Variants in LRMDA observed in about 807,000 individuals in gnomAD.
The protein encoded by LRMDA is leucine rich melanocyte differentiation associated, also known as leucine-rich melanocyte differentiation-associated protein.
Under a neutral mutation model 29.8 loss-of-function variants are expected in LRMDA, and 18 were observed. The observed-to-expected ratio is 0.60, with a 90% CI of 0.42 to 0.90. The LOEUF is 0.90. LRMDA is among the 40% of genes least tolerant of loss of function. LRMDA has a pLI of 0.00. For missense variants in LRMDA, 273 were observed against 273.9 expected (o/e 1.00, Z 0.02); for synonymous variants, 125 against 109.4 (o/e 1.14, Z -0.89).
chr10:76,485,755 A>G (rs1041353494), intron 6 of LRMDA, among the ~76,000 whole-genome samples: 1 of 151,882 alleles, frequency 6.6e-6, no homozygotes, highest in African/African-American at 2.4e-5. Context: ...CTATTGAAGG[A>G]TAACTCCACT....
intron 2 of LRMDA, among the ~76,000 whole-genome samples, chr10:75,554,153 T>G (rs139093847): frequency 6.6e-6 from 1 of 152,172 alleles, no homozygotes; most frequent in Middle Eastern, 3.2e-3. Context: ...AGAAAAGTTA[T>G]GATTTTGTAG....
At chr10:75,993,902 G>A (rs533956528) in intron 2 of LRMDA, among the ~76,000 whole-genome samples, 1 of 152,214 alleles carries the variant, frequency 6.6e-6, no homozygotes, top group East Asian at 1.9e-4. Flanking sequence ...TCCTCTTCTT[G>A]GAGATTGTTT....
Position 76,007,909 on chromosome 10 carries a change from T to G in LRMDA, c.132-28099T>G, listed in dbSNP as rs183513260. ...ATCTGAATCCAGTAATTTATTCGAT[T>G]TTGGGTCATTAACCCTTGTTCTGCT... is the stretch of plus-strand genomic sequence containing the variant. On this transcript the variant is annotated intron_variant, in intron 2 of 6. Coordinates refer to ENST00000611255, the MANE Select transcript of LRMDA (RefSeq NM_001305581.2). Among the ~76,000 whole-genome samples the G allele has an allele frequency of 8.5e-4, 130 of 152,326 alleles. 1 individual carries two copies. Among genetic ancestry groups the G allele is most frequent in the African/African-American group, 3.0e-3 (123 of 41,576 alleles).
intron 2 of LRMDA, among the ~76,000 whole-genome samples, chr10:75,956,674 C>G (rs1484600069): frequency 6.6e-6 from 1 of 152,178 alleles, no homozygotes; most frequent in Non-Finnish European, 1.5e-5. Context: ...CGTTCTTTAA[C>G]TGGTCATTCT....
intron 5 of LRMDA, among the ~76,000 whole-genome samples, chr10:76,251,549 G>C (rs1161592617): frequency 6.6e-6 from 1 of 151,342 alleles, no homozygotes; most frequent in Non-Finnish European, 1.5e-5. Flanking sequence ...ACCGCGCCCG[G>C]CCCTCCCGTC....
chr10:75,758,568 G>C (rs1409596110), intron 2 of LRMDA, among the ~76,000 whole-genome samples: 1 of 152,192 alleles, frequency 6.6e-6, no homozygotes, highest in Non-Finnish European at 1.5e-5. Context: ...GCCAAATGGA[G>C]GCTTCCTAAG....
At chr10:75,584,657 A>G (rs1230438985) in intron 2 of LRMDA, among the ~76,000 whole-genome samples, 1 of 152,162 alleles carries the variant, frequency 6.6e-6, no homozygotes, top group Admixed American at 6.5e-5. Flanking sequence ...AGGATTTGGC[A>G]TGGGGTGGTG....
intron 2 of LRMDA, among the ~76,000 whole-genome samples, chr10:75,468,076 G>A (rs968562017): frequency 6.6e-6 from 1 of 152,030 alleles, no homozygotes; most frequent in Admixed American, 6.6e-5. Flanking sequence ...AGGATTATCT[G>A]CATGTTTCCA....
intron 2 of LRMDA, among the ~76,000 whole-genome samples, chr10:75,972,477 T>G (rs2132440148): frequency 6.6e-6 from 1 of 152,294 alleles, no homozygotes; most frequent in South Asian, 2.1e-4. Context: ...TCTGAAGCGT[T>G]TTTGAAAAAC....
chr10:76,387,478 G>A (rs1290560890), intron 6 of LRMDA, among the ~76,000 whole-genome samples: 3 of 151,896 alleles, frequency 2.0e-5, no homozygotes, highest in Admixed American at 6.6e-5. Context: ...GTGCACGTGC[G>A]TGTAATCCCA....
At chr10:76,198,363 A>G (rs1328147870) in intron 5 of LRMDA, among the ~76,000 whole-genome samples, 1 of 152,244 alleles carries the variant, frequency 6.6e-6, no homozygotes, top group Non-Finnish European at 1.5e-5. Flanking sequence ...CCGCACTTTG[A>G]GGAGGAAGAG....
intron 2 of LRMDA, among the ~76,000 whole-genome samples, chr10:75,578,663 G>A (rs913688760): frequency 1.3e-5 from 2 of 151,986 alleles, no homozygotes; most frequent in Non-Finnish European, 2.9e-5. Flanking sequence ...CCACTCCTCA[G>A]CAAATGCAAA....
intron 1 of LRMDA, among the ~76,000 whole-genome samples, chr10:75,436,896 T>C (rs1844269792): frequency 6.6e-6 from 1 of 152,210 alleles, no homozygotes; most frequent in South Asian, 2.1e-4. Context: ...CTTAATTTAT[T>C]ACACAAGGAA....
At chr10:76,080,768 G>C (rs1010406278) in intron 5 of LRMDA, among the ~76,000 whole-genome samples, 2 of 152,236 alleles carry the variant, frequency 1.3e-5, no homozygotes, top group Non-Finnish European at 2.9e-5. Context: ...TCAGGCTGAT[G>C]TGTAGATGAG....
intron 2 of LRMDA, among the ~76,000 whole-genome samples, chr10:75,644,589 C>T (rs1421955895): frequency 6.6e-6 from 1 of 152,142 alleles, no homozygotes; most frequent in African/African-American, 2.4e-5. Context: ...TAAATACAGT[C>T]ACAGCAGGGT....
intron 2 of LRMDA, among the ~76,000 whole-genome samples, chr10:75,978,759 A>G (rs1057296210): frequency 1.3e-5 from 2 of 152,220 alleles, no homozygotes; most frequent in African/African-American, 2.4e-5. Flanking sequence ...ATAATCTTAT[A>G]ATTTTTTGTA....
At chr10:75,555,643 A>G (rs1840203824) in intron 2 of LRMDA, among the ~76,000 whole-genome samples, 1 of 152,206 alleles carries the variant, frequency 6.6e-6, no homozygotes, top group South Asian at 2.1e-4. Context: ...AGTGACTTCA[A>G]AGAAAATTAG....
At chr10:76,143,922 T>C (rs1850258339) in intron 5 of LRMDA, among the ~76,000 whole-genome samples, 1 of 152,238 alleles carries the variant, frequency 6.6e-6, no homozygotes, top group Non-Finnish European at 1.5e-5. Context: ...CTAGCCAGTT[T>C]TCCCAGCACC....
chr10:76,011,804 G>A (rs1404084180), intron 2 of LRMDA, among the ~76,000 whole-genome samples: 1 of 152,132 alleles, frequency 6.6e-6, no homozygotes, highest in Non-Finnish European at 1.5e-5. Flanking sequence ...GGGCAGGTGG[G>A]GCAAAACATG....
Sources: gnomAD v4.1 joint callset for allele counts (sites outside exome capture counted in the v4.1 genomes callset) on GRCh38, gnomAD v4.1.1 for gene constraint, MANE v1.5 for transcripts, NCBI Gene and HGNC (gene_info 2026-07-23, HGNC 2026-07-21) for gene names.